FKBP5: variants seen among roughly 807,000 people sequenced by gnomAD.
FKBP5 encodes the protein FKBP prolyl isomerase 5.
FKBP5 carries 23 observed loss-of-function variants against 50.5 expected under a neutral mutation model. The ratio of observed to expected loss-of-function variants is 0.46; its 90% CI spans 0.33 to 0.65. FKBP5 has a LOEUF of 0.65. FKBP5 is among the 30% of genes least tolerant of loss of function. FKBP5 has a pLI of 0.02. For missense variants in FKBP5, 411 were observed against 553.1 expected (o/e 0.74, Z 2.58); for synonymous variants, 176 against 190.6 (o/e 0.92, Z 0.63).
intron 2 of FKBP5, among the ~76,000 whole-genome samples, chr6:35,698,467 T>C (rs1262967504): frequency 6.6e-6 from 1 of 151,386 alleles, no homozygotes; most frequent in Non-Finnish European, 1.5e-5. Context: ...GCCAATATGG[T>C]GAAATCCTGT....
intron 10 of FKBP5, among the ~76,000 whole-genome samples, 197 bp downstream of exon 10, chr6:35,576,797 C>T (rs992773720): frequency 2.6e-5 from 4 of 152,164 alleles, no homozygotes; most frequent in East Asian, 3.8e-4. Flanking sequence ...TTAGTTTTCT[C>T]ATCTCTCATG....
At chr6:35,683,198 C>G (rs1765730620) in intron 1 of FKBP5, among the ~76,000 whole-genome samples, 1 of 148,170 alleles carries the variant, frequency 6.7e-6, no homozygotes, top group Non-Finnish European at 1.5e-5. Flanking sequence ...GGGTCTTGCT[C>G]TGTCCCCCAG....
chr6:35,618,948 G>C, intron 5 of FKBP5, 148 bp downstream of exon 5: 1 of 584,406 alleles, frequency 1.7e-6, no homozygotes, highest in Non-Finnish European at 3.0e-6. Context: ...CACCCGCCTC[G>C]ACCTCCCAAA....
At chr6:35,649,613 TG>T (rs1764732707) in intron 1 of FKBP5, among the ~76,000 whole-genome samples, 1 of 152,036 alleles carries the variant, frequency 6.6e-6, no homozygotes, top group African/African-American at 2.4e-5. Flanking sequence ...AGAAGAGAGA[TG>T]TAGAGAGAGG....
chr6:35,583,929 G>A (rs1762522550), intron 8 of FKBP5: 5 of 985,398 alleles, frequency 5.1e-6, no homozygotes, highest in South Asian at 9.4e-5. Context: ...TATCTGAAGA[G>A]TTTAGAGGTT....
chr6:35,703,075 C>A (rs1308609441), intron 2 of FKBP5, among the ~76,000 whole-genome samples: 3 of 152,194 alleles, frequency 2.0e-5, no homozygotes, highest in Admixed American at 6.5e-5. Context: ...CATGGCGAAA[C>A]CCTGTCTCTA....
At chr6:35,615,100 G>A (rs1763603825) in intron 5 of FKBP5, among the ~76,000 whole-genome samples, 1 of 150,234 alleles carries the variant, frequency 6.7e-6, no homozygotes, top group Non-Finnish European at 1.5e-5. Context: ...CTCCAGCCTG[G>A]GCGACAGAGT....
chr6:35,657,412 C>T (rs1288486947), intron 1 of FKBP5, among the ~76,000 whole-genome samples: 1 of 152,170 alleles, frequency 6.6e-6, no homozygotes. Context: ...ATTCTAGAGG[C>T]TGCCCACATT....
intron 1 of FKBP5, among the ~76,000 whole-genome samples, chr6:35,648,092 G>C (rs577797442): frequency 1.3e-5 from 2 of 152,280 alleles, no homozygotes; most frequent in South Asian, 4.2e-4. Context: ...CCAGCCCAGA[G>C]AGTCTGGATT....
At chr6:35,613,019 T>C (rs960054060) in intron 5 of FKBP5, among the ~76,000 whole-genome samples, 1 of 152,168 alleles carries the variant, frequency 6.6e-6, no homozygotes, top group Non-Finnish European at 1.5e-5. Flanking sequence ...AGGTAGCAAT[T>C]CCAAGATTCA....
chr6:35,605,383 CTTTTTTTTTTT>C lies in FKBP5; in HGVS notation c.509-7990_509-7980del, dbSNP rs1158530509. The stretch of plus-strand genomic sequence containing the variant: ...TAATAAGAGCCACCTATGACAATAT[CTTTTTTTTTTT>C]TTTTTTTTTTTTTTTTTTTGAGACA... On this transcript the variant is annotated intron_variant, in intron 5 of 10. Coordinates refer to ENST00000357266, the MANE Select transcript of FKBP5 (RefSeq NM_004117.4). Among the ~76,000 whole-genome samples, 134 of 52,308 alleles carry C rather than the reference CTTTTTTTTTTT, an allele frequency of 2.6e-3. 5 individuals are homozygous for C. Among genetic ancestry groups the C allele is most frequent in the South Asian group, 4.0e-3 (4 of 988 alleles). The allele number at this position is 52,308 out of a possible 152,430, so 34.3% of individuals were successfully genotyped here.
intron 1 of FKBP5, among the ~76,000 whole-genome samples, chr6:35,683,745 CATT>C (rs1765746782): frequency 1.4e-5 from 2 of 143,008 alleles, no homozygotes; most frequent in South Asian, 4.8e-4. Context: ...TCTTATAAAA[CATT>C]ATCAGAATTT....
Position 35,575,567 on chromosome 6 carries a change from G to A in FKBP5, c.*268C>T. ...CTTGAAGGTTGATAGAAACTGAAATGAGCTGGACTTAAGCTGCTGGCTCAC... is the reference window on the plus strand; with the variant it reads ...CTTGAAGGTTGATAGAAACTGAAATAAGCTGGACTTAAGCTGCTGGCTCAC... On this transcript the variant is annotated 3_prime_UTR_variant, in exon 11 of 11. Coordinates refer to ENST00000357266, the MANE Select transcript of FKBP5 (RefSeq NM_004117.4). The A allele has an allele frequency of 2.4e-6, 1 of 411,172 alleles. No individual in the cohort carries two copies. The highest frequency in any genetic ancestry group is 4.5e-6 in the Non-Finnish European group (1 of 223,290). 25.5% of individuals were successfully genotyped at this position (411,172 alleles called of 1,614,324 possible).
chr6:35,646,350 C>G (rs73748211), intron 1 of FKBP5, among the ~76,000 whole-genome samples: 5,395 of 152,040 alleles, frequency 0.035, 126 homozygotes, highest in African/African-American at 0.069. Context: ...AGTACTGAGT[C>G]CATATGAAGA....
At chr6:35,672,879 G>A (rs1455214013) in intron 1 of FKBP5, among the ~76,000 whole-genome samples, 3 of 151,474 alleles carry the variant, frequency 2.0e-5, no homozygotes, top group East Asian at 1.9e-4. Flanking sequence ...GCAGTGAGCC[G>A]AGATCGCGCC....
chr6:35,598,470 G>A (rs1374247486), intron 5 of FKBP5, among the ~76,000 whole-genome samples: 2 of 151,844 alleles, frequency 1.3e-5, no homozygotes, highest in African/African-American at 2.4e-5. Context: ...TGATCCACCC[G>A]CCTCAGCCTC....
Position 35,656,034 on chromosome 6 carries a change from T to C in FKBP5, c.-19-13191A>G, listed in dbSNP as rs1363280078. Reference sequence around the variant, plus strand: ...AACTGGAGGAAGAGATGTTTCAGACTTGAGACGCAGACAGAAAAACCCAAA... The same window carrying C: ...AACTGGAGGAAGAGATGTTTCAGACCTGAGACGCAGACAGAAAAACCCAAA... On this transcript the variant is annotated intron_variant, in intron 1 of 10. Coordinates refer to ENST00000357266, the MANE Select transcript of FKBP5 (RefSeq NM_004117.4). Among the ~76,000 whole-genome samples the C allele has an allele frequency of 2.0e-5, 3 of 152,216 alleles. 1 individual carries two copies. The highest frequency in any genetic ancestry group is 4.1e-4 in the South Asian group (2 of 4,832).
chr6:35,618,736 C>G (rs753594120), intron 5 of FKBP5, among the ~76,000 whole-genome samples: 6 of 152,056 alleles, frequency 3.9e-5, no homozygotes, highest in Non-Finnish European at 7.4e-5. Flanking sequence ...GCTTTGTCAT[C>G]CAGGCTGGAG....
At chr6:35,595,832 C>T (rs377154195) in intron 6 of FKBP5, among the ~76,000 whole-genome samples, 6 of 151,830 alleles carry the variant, frequency 4.0e-5, no homozygotes, top group Admixed American at 3.3e-4. Context: ...TAAGGAGTAT[C>T]TCCTAGAAAC....
Sources: gnomAD v4.1 joint callset for allele counts (sites outside exome capture counted in the v4.1 genomes callset) on GRCh38, gnomAD v4.1.1 for gene constraint, MANE v1.5 for transcripts, NCBI Gene and HGNC (gene_info 2026-07-23, HGNC 2026-07-21) for gene names.